The following SLC26A5 variants were observed in gnomAD, a reference collection of about 807,000 sequenced individuals.
The protein encoded by SLC26A5 is prestin.
A neutral mutation model predicts 81.0 loss-of-function variants in SLC26A5; 51 were observed. The ratio of observed to expected loss-of-function variants is 0.63; its 90% CI spans 0.50 to 0.80. The LOEUF is 0.80. SLC26A5 is among the 30% of genes least tolerant of loss of function. The pLI is 0.00. For synonymous variants in SLC26A5, 325 were observed against 332.8 expected (o/e 0.98, Z 0.25); for missense variants, 771 against 905.8 (o/e 0.85, Z 1.91).
At chr7:103,423,099 TA>T (rs564122483) in intron 2 of SLC26A5, among the ~76,000 whole-genome samples, 7,807 of 87,838 alleles carry the variant, frequency 0.089, 267 homozygotes, top group Admixed American at 0.16. Context: ...CTGCCTCTAC[TA>T]AAAAAAAAAA....
rs1341174828 is a variant in SLC26A5 at position 103,379,239 on chromosome 7, T to C, written c.1677+4A>G. 1.3e-6 allele frequency: 2 copies of C among 1,597,696 alleles called. No homozygotes were observed. Among genetic ancestry groups the C allele is most frequent in the Non-Finnish European group, 8.6e-7 (1 of 1,165,280 alleles). ...TCAGAAATAATCAATTTCTCATGAC[T>C]CACCTTTCGTTTTAATGCATTGCTA... is the stretch of plus-strand genomic sequence containing the variant. On this transcript the variant is annotated splice_donor_region_variant and intron_variant, in intron 16 of 19. Transcript: ENST00000306312.
chr7:103,419,601 G>A (rs544380782), intron 4 of SLC26A5, among the ~76,000 whole-genome samples: 15 of 150,748 alleles, frequency 1.0e-4, no homozygotes, highest in East Asian at 2.0e-4. Flanking sequence ...CCAGTGGCAC[G>A]ATCTCAGCTC....
At chr7:103,353,933 G>C (rs1819876621) in intron 19 of SLC26A5, 1 of 1,603,232 alleles carries the variant, frequency 6.2e-7, no homozygotes, top group African/African-American at 1.3e-5. Flanking sequence ...CTGGATGAGG[G>C]GGATATTGCC....
chr7:103,385,214 T>C (rs1273575298), intron 14 of SLC26A5, among the ~76,000 whole-genome samples: 1 of 151,890 alleles, frequency 6.6e-6, no homozygotes. Context: ...TGGGCTGGAG[T>C]GCAGTGGCGT....
chr7:103,396,225 C>T (rs1048703810), intron 9 of SLC26A5, among the ~76,000 whole-genome samples: 6 of 152,130 alleles, frequency 3.9e-5, no homozygotes, highest in Non-Finnish European at 4.4e-5. Context: ...AAACCACTTG[C>T]CACTATGGGT....
chr7:103,376,694 A>G (rs1821376099), intron 19 of SLC26A5, 114 bp downstream of exon 19: 2 of 841,102 alleles, frequency 2.4e-6, no homozygotes, highest in South Asian at 3.3e-5. Context: ...TCAGAAGAAC[A>G]ATTTTCATTT....
chr7:103,393,990 G>C (rs57693273), intron 9 of SLC26A5, among the ~76,000 whole-genome samples: 1 of 152,088 alleles, frequency 6.6e-6, no homozygotes, highest in African/African-American at 2.4e-5. Flanking sequence ...CTGTGAACTA[G>C]GCACCACTGT....
chr7:103,413,254 G>A, intron 4 of SLC26A5, 142 bp from the exon 5 acceptor site: 1 of 685,706 alleles, frequency 1.5e-6, no homozygotes, highest in Admixed American at 2.1e-5. Context: ...CCCCAGTCCT[G>A]CACATCATCT....
intron 14 of SLC26A5, among the ~76,000 whole-genome samples, chr7:103,383,871 A>G (rs1428013716): frequency 6.6e-6 from 1 of 152,022 alleles, no homozygotes; most frequent in East Asian, 1.9e-4. Flanking sequence ...TCACAATGCA[A>G]TGTCTCACAA....
Position 103,377,622 on chromosome 7 carries a change from C to G in SLC26A5, c.1963G>C (p.Val655Leu). Residue 655 changes from valine to leucine, a missense_variant, in exon 18 of 20, where the codon GTT becomes CTT. Transcript: ENST00000306312. ...ACCCCTGCCAGAGTTTTCACTCCAA[C>G]AGAATCAATAAAATTGACTTGAGTG... ...DFTQVNFIDS[V>L]GVKTLAGIVK... 1 of 1,614,092 alleles carries G rather than the reference C, an allele frequency of 6.2e-7. No homozygotes were observed. Among genetic ancestry groups the G allele is most frequent in the Non-Finnish European group, 8.5e-7 (1 of 1,179,980 alleles).
At chr7:103,363,321 G>A (rs1338518109) in intron 19 of SLC26A5, 1 of 1,571,166 alleles carries the variant, frequency 6.4e-7, no homozygotes, top group South Asian at 1.1e-5. Flanking sequence ...ACTGTATGTT[G>A]TACATTTCTG....
chr7:103,400,103 G>T (rs1043084087), intron 8 of SLC26A5, among the ~76,000 whole-genome samples: 1 of 151,762 alleles, frequency 6.6e-6, no homozygotes, highest in Non-Finnish European at 1.5e-5. Flanking sequence ...GGATTGCTGG[G>T]TCAAATGGTA....
chr7:103,411,737 A>G, intron 5 of SLC26A5, 151 bp from the exon 6 acceptor site: 1 of 858,608 alleles, frequency 1.2e-6, no homozygotes, highest in African/African-American at 1.7e-5. Flanking sequence ...CTGGTGTATG[A>G]GCAACCGTGT....
intron 3 of SLC26A5, among the ~76,000 whole-genome samples, chr7:103,421,162 A>G (rs546359699): frequency 2.0e-5 from 3 of 152,340 alleles, no homozygotes; most frequent in African/African-American, 4.8e-5. Context: ...TAGGAATTCA[A>G]TAAATATGGT....
chr7:103,424,047 G>T (rs1389750105), intron 2 of SLC26A5, among the ~76,000 whole-genome samples: 4 of 152,114 alleles, frequency 2.6e-5, no homozygotes, highest in Non-Finnish European at 5.9e-5. Flanking sequence ...AACTCCTCCA[G>T]ATCATTACAT....
chr7:103,405,017 G>A (rs183413583), intron 8 of SLC26A5, among the ~76,000 whole-genome samples: 1 of 151,890 alleles, frequency 6.6e-6, no homozygotes, highest in African/African-American at 2.4e-5. Flanking sequence ...CTTGTGCTGT[G>A]TTTTTCAGCT....
intron 19 of SLC26A5, among the ~76,000 whole-genome samples, chr7:103,356,578 T>C (rs978426037): frequency 2.6e-5 from 4 of 152,230 alleles, no homozygotes; most frequent in Non-Finnish European, 4.4e-5. Flanking sequence ...ACTAGTATGA[T>C]AGCTACTTCT....
intron 19 of SLC26A5, chr7:103,363,312 C>G (rs200258655): frequency 1.3e-6 from 2 of 1,537,794 alleles, no homozygotes; most frequent in African/African-American, 2.7e-5. Flanking sequence ...AAGCCTGTGA[C>G]TGTATGTTGT....
chr7:103,393,554 G>A (rs1181104848), intron 9 of SLC26A5, among the ~76,000 whole-genome samples: 3 of 129,970 alleles, frequency 2.3e-5, no homozygotes, highest in African/African-American at 8.7e-5. Flanking sequence ...GACTCTGAGT[G>A]TGCTACCTCT....
Sources: allele counts gnomAD v4.1 joint callset (sites outside exome capture counted in the v4.1 genomes callset), GRCh38; gene constraint gnomAD v4.1.1; transcripts MANE v1.5; gene names NCBI Gene and HGNC (gene_info 2026-07-23, HGNC 2026-07-21).